Variants in TEX13B observed in about 807,000 individuals in gnomAD.
TEX13B encodes the protein testis-expressed protein 13B.
Under a neutral mutation model 11.2 loss-of-function variants are expected in TEX13B, and 5 were observed. That is an observed-to-expected ratio of 0.44 (90% CI 0.23 to 0.93). TEX13B has a LOEUF of 0.93. Ranked by LOEUF, TEX13B falls within the 40% of genes least tolerant of loss-of-function variation. TEX13B has a pLI of 0.23. For missense variants in TEX13B, 213 were observed against 244.2 expected, an observed-to-expected ratio of 0.87 and a Z score of 0.85; for synonymous variants, 115 against 100.9, an observed-to-expected ratio of 1.14 and a Z score of -0.84.
In TEX13B at chrX:107,981,722, GGCTGGTCTCGGTTA is replaced by G. The variant is rs1933766727; in HGVS notation, c.392_405del (p.Leu131ProfsTer48). 1.7e-6 allele frequency: 2 copies of G among 1,208,399 alleles called. No individual in the cohort carries two copies. The highest frequency in any genetic ancestry group is 3.5e-5 in the African/African-American group (2 of 57,172). On this transcript the variant is annotated frameshift_variant, in exon 2 of 3. Coordinates refer to ENST00000302917, the MANE Select transcript of TEX13B (RefSeq NM_031273.2). LOFTEE classifies it high-confidence loss of function. ...TCCCGCTCTCTCTGCACCTCCGCAA[GGCTGGTCTCGGTTA>G]GCTGCAACTGGAAGGTCGCCTCATT...
chrX:107,981,682 T>C lies in TEX13B; in HGVS notation c.446A>G (p.Lys149Arg). Residue 149 changes from lysine to arginine, a missense_variant, in exon 2 of 3, where the codon AAG (lysine) becomes AGG (arginine). Coordinates refer to ENST00000302917, the MANE Select transcript of TEX13B (RefSeq NM_031273.2). ...VQRERDMLRW[K>R]LFHAELAPPQ... The stretch of plus-strand genomic sequence containing the variant: ...GGGGGATCTTACGGCATGGAAGAGC[T>C]TCCATCTCAGCATGTCCCGCTCTCT... 1 of 1,197,946 alleles carries C rather than the reference T, an allele frequency of 8.3e-7. No individual in the cohort carries two copies. The highest frequency in any genetic ancestry group is 1.1e-6 in the Non-Finnish European group (1 of 887,053).
rs1462038188 is a variant in TEX13B at position 107,982,147 on chromosome X, G to C, written c.-20C>G. 8.6e-7 allele frequency: 1 copy of C among 1,168,442 alleles called. No individual in the cohort carries two copies. Among genetic ancestry groups the C allele is most frequent in the Non-Finnish European group, 1.1e-6 (1 of 870,550 alleles). ...GGCCATGATCGCCTAGGGGCTTAAC[G>C]GTTTCACTAGCCCTGTGTGGATGGA... On this transcript the variant is annotated 5_prime_UTR_variant, in exon 2 of 3. Coordinates refer to ENST00000302917, the MANE Select transcript of TEX13B (RefSeq NM_031273.2).
chrX:107,981,594 G>T, intron 2 of TEX13B, 35 bp from the exon 3 acceptor site: 1 of 1,203,051 alleles, frequency 8.3e-7, no homozygotes, highest in Non-Finnish European at 1.1e-6. Context: ...AACACATTCT[G>T]GGGACAGGGC....
At position 107,981,289 on chromosome X, in the gene TEX13B, G is replaced by C. The variant is rs773337131; in HGVS notation, c.730C>G (p.Gln244Glu). 9.9e-6 allele frequency: 12 copies of C among 1,211,718 alleles called. No individual in the cohort carries two copies. The East Asian group carries it at 3.5e-4, about 36-fold the overall frequency. The change falls in exon 3 of 3, where the codon CAG (glutamine) becomes GAG (glutamate). Residue 244 changes from glutamine to glutamate, a missense_variant. Transcript: ENST00000302917. ...CAGACATGGCTGTTTGTACTGACCT[G>C]AGATCTTTCTCCCTCTGCCCCGCAA... Reference protein sequence around the residue: ...HLCGAEGERSQVSTNSHVCLL... With the variant: ...HLCGAEGERSEVSTNSHVCLL...
At chrX:107,982,226 C>T in intron 1 of TEX13B, 67 bp from the exon 2 acceptor site, 1 of 855,568 alleles carries the variant, frequency 1.2e-6, no homozygotes, top group Non-Finnish European at 1.6e-6. Context: ...TCTGTCTTCT[C>T]CGCCCTCCCA....
rs2147892964 is a variant in TEX13B at position 107,981,819 on chromosome X, A to T, written c.309T>A (p.Ala103=). 8.3e-7 allele frequency: 1 copy of T among 1,211,196 alleles called. No homozygotes were observed. The highest frequency in any genetic ancestry group is 3.0e-5 in the East Asian group (1 of 33,816). Residue 103 remains alanine (A), a synonymous_variant, in exon 2 of 3, where the codon GCT becomes GCA. Transcript: ENST00000302917. The stretch of plus-strand genomic sequence containing the variant: ...TCAGGTTTGAGGCCAAGACCAGCGC[A>T]GCTGATCTGTGCAGTTTGGCAAAGC... The part of the protein sequence containing the change: ...LQGFAKLHRS[A]ALVLASNLTE...
rs767644472 is a variant in TEX13B, at chrX:107,981,761, T to G, written c.367A>C (p.Asn123His). The change falls in exon 2 of 3, where the codon AAT becomes CAT. Residue 123 changes from asparagine to histidine, a missense_variant. Asn to His is a moderately conservative substitution (Grantham distance 68). Coordinates refer to ENST00000302917, the MANE Select transcript of TEX13B (RefSeq NM_031273.2). Reference sequence around the variant, plus strand: ...AGCTGCAACTGGAAGGTCGCCTCATTGCATTCCATCTCCTGCTGTTCCTTG... The same window carrying G: ...AGCTGCAACTGGAAGGTCGCCTCATGGCATTCCATCTCCTGCTGTTCCTTG... The part of the protein sequence containing the change: ...ELKEQQEMEC[N>H]EATFQLQLTE... The G allele has an allele frequency of 9.1e-6, 11 of 1,211,777 alleles. No individual in the cohort carries two copies. In the South Asian group the frequency reaches 1.9e-4, roughly 21 times the overall value.
chrX:107,981,793 G>C lies in TEX13B; in HGVS notation c.335C>G (p.Thr112Arg). ...CATCTCCTGCTGTTCCTTGAGTTCC[G>C]TCAGGTTTGAGGCCAAGACCAGCGC... ...SAALVLASNL[T>R]ELKEQQEMEC... Residue 112 changes from threonine (T) to arginine (R), a missense_variant, in exon 2 of 3, where the codon ACG becomes AGG. Coordinates refer to ENST00000302917, the MANE Select transcript of TEX13B (RefSeq NM_031273.2). The C allele has an allele frequency of 8.3e-7, 1 of 1,211,706 alleles. No homozygotes were observed. The highest frequency in any genetic ancestry group is 3.0e-5 in the East Asian group (1 of 33,834).
In TEX13B at chrX:107,982,317, G is replaced by A; in HGVS notation, c.-40C>T. On this transcript the variant is annotated 5_prime_UTR_variant, in exon 1 of 3. Coordinates refer to ENST00000302917, the MANE Select transcript of TEX13B (RefSeq NM_031273.2). Reference sequence around the variant, plus strand: ...TCTCCCACCAGGCCTCACCTCTTCAGCCAGGGCCAGAGGAAGTACAGGCCA... The same window carrying A: ...TCTCCCACCAGGCCTCACCTCTTCAACCAGGGCCAGAGGAAGTACAGGCCA... The A allele has an allele frequency of 2.4e-6, 1 of 418,990 alleles. No homozygotes were observed. Among genetic ancestry groups the A allele is most frequent in the East Asian group, 3.7e-5 (1 of 26,732 alleles). 34.5% of individuals were successfully genotyped at this position (418,990 alleles called of 1,213,427 possible). A position where few individuals can be genotyped will look rare whatever the true frequency, so the allele number is the denominator to read the frequency against.
At position 107,980,869 on chromosome X, in the gene TEX13B, C is replaced by A; in HGVS notation, c.*211G>T. 4.5e-6 allele frequency: 2 copies of A among 442,254 alleles called. No homozygotes were observed. The highest frequency in any genetic ancestry group is 8.1e-6 in the Non-Finnish European group (2 of 246,235). The allele number at this position is 442,254 out of a possible 1,213,427, so 36.4% of individuals were successfully genotyped here. ...GTTCTATTTTACATTTCTGAATTTA[C>A]TGAGGCTTTTGCAGCCAGATTCGCC... On this transcript the variant is annotated 3_prime_UTR_variant, in exon 3 of 3. Coordinates refer to ENST00000302917, the MANE Select transcript of TEX13B (RefSeq NM_031273.2).
chrX:107,981,567 G>T lies in TEX13B; in HGVS notation c.460-8C>A. 1 of 1,208,985 alleles carries T rather than the reference G, an allele frequency of 8.3e-7. No individual in the cohort carries two copies. Among genetic ancestry groups the T allele is most frequent in the Non-Finnish European group, 1.1e-6 (1 of 893,943 alleles). ...CTGGGGAGGTGCCAGCTCCTGGAGA[G>T]AAGTAGGCAGAGCTGAAACACATTC... On this transcript the variant is annotated splice_region_variant and splice_polypyrimidine_tract_variant and intron_variant, in intron 2 of 2. Coordinates refer to ENST00000302917, the MANE Select transcript of TEX13B (RefSeq NM_031273.2).
chrX:107,981,359 G>A lies in TEX13B; in HGVS notation c.660C>T (p.Gly220=). The part of the protein sequence containing the change: ...PAEVLQGLGG[G]FRQPLGAIVA... ...CAATAGCTCCGAGGGGCTGCCTGAA[G>A]CCTCCTCCCAGCCCCTGCAAGACCT... The change falls in exon 3 of 3, where the codon GGC becomes GGT. Residue 220 remains glycine (G), a synonymous_variant. Coordinates refer to ENST00000302917, the MANE Select transcript of TEX13B (RefSeq NM_031273.2). The A allele has an allele frequency of 8.3e-7, 1 of 1,211,863 alleles. No individual in the cohort carries two copies. Among genetic ancestry groups the A allele is most frequent in the Non-Finnish European group, 1.1e-6 (1 of 895,509 alleles).
Position 107,980,905 on chromosome X carries a change from G to A in TEX13B, c.*175C>T, listed in dbSNP as rs1313925210. On this transcript the variant is annotated 3_prime_UTR_variant, in exon 3 of 3. Coordinates refer to ENST00000302917, the MANE Select transcript of TEX13B (RefSeq NM_031273.2). Reference sequence around the variant, plus strand: ...GCAGCCAGATTCGCCTCCCACAGAGGAAGCAATTTTCCCTCCATGAAAAAT... The same window carrying A: ...GCAGCCAGATTCGCCTCCCACAGAGAAAGCAATTTTCCCTCCATGAAAAAT... The A allele has an allele frequency of 3.0e-6, 2 of 658,593 alleles. No individual in the cohort carries two copies. Among genetic ancestry groups the A allele is most frequent in the East Asian group, 6.4e-5 (2 of 31,209 alleles). 54.3% of individuals were successfully genotyped at this position (658,593 alleles called of 1,213,427 possible). A position where few individuals can be genotyped will look rare whatever the true frequency, so the allele number is the denominator to read the frequency against.
chrX:107,981,621 T>TTGGGGCAGGGCAGAGGCA, intron 2 of TEX13B, 48 bp downstream of exon 2: 1 of 1,193,295 alleles, frequency 8.4e-7, no homozygotes, highest in Non-Finnish European at 1.1e-6. Flanking sequence ...TCCGGACAGG[T>TTGGGGCAGGGCAGAGGCA]TGGGGCAGGG....
intron 2 of TEX13B, 37 bp downstream of exon 2, chrX:107,981,632 C>A: frequency 8.4e-7 from 1 of 1,191,391 alleles, no homozygotes; most frequent in Non-Finnish European, 1.1e-6. Context: ...TGGGGCAGGG[C>A]AGAGGCATTG....
At position 107,981,397 on chromosome X, in the gene TEX13B, G is replaced by A. The variant is rs1602532898; in HGVS notation, c.622C>T (p.Pro208Ser). The change falls in exon 3 of 3, where the codon CCT becomes TCT. Residue 208 changes from proline (P) to serine (S), a missense_variant. Coordinates refer to ENST00000302917, the MANE Select transcript of TEX13B (RefSeq NM_031273.2). ...KGEERYAEAG[P>S]APAEVLQGLG... ...CCCTGCAAGACCTCTGCGGGGGCAG[G>A]CCCTGCCTCTGCATACCTCTCCTCT... 2 of 1,211,714 alleles carry A rather than the reference G, an allele frequency of 1.7e-6. No individual in the cohort carries two copies. The highest frequency in any genetic ancestry group is 5.9e-5 in the East Asian group (2 of 33,813).
chrX:107,981,703 T>C lies in TEX13B; in HGVS notation c.425A>G (p.Glu142Gly), dbSNP rs748068141. 1 of 1,204,483 alleles carries C rather than the reference T, an allele frequency of 8.3e-7. No individual in the cohort carries two copies. Among genetic ancestry groups the C allele is most frequent in the South Asian group, 1.8e-5 (1 of 55,969 alleles). ...GAGCTTCCATCTCAGCATGTCCCGCTCTCTCTGCACCTCCGCAAGGCTGGT... is the reference window on the plus strand; with the variant it reads ...GAGCTTCCATCTCAGCATGTCCCGCCCTCTCTGCACCTCCGCAAGGCTGGT... ...TETSLAEVQRERDMLRWKLFH... is the reference protein window; with the variant it reads ...TETSLAEVQRGRDMLRWKLFH... The change falls in exon 2 of 3, where the codon GAG (glutamate) becomes GGG (glycine). Residue 142 changes from glutamate (E) to glycine (G), a missense_variant. Physicochemically the swap from Glu to Gly is moderately conservative, Grantham distance 98. Coordinates refer to ENST00000302917, the MANE Select transcript of TEX13B (RefSeq NM_031273.2).
chrX:107,981,096 T>G lies in TEX13B; in HGVS notation c.923A>C (p.Gln308Pro), dbSNP rs1362521759. 1 of 1,210,970 alleles carries G rather than the reference T, an allele frequency of 8.3e-7. No individual in the cohort carries two copies. Among genetic ancestry groups the G allele is most frequent in the Non-Finnish European group, 1.1e-6 (1 of 895,328 alleles). Reference protein sequence around the residue: ...HRTGSNSDAFQLGGL With the variant: ...HRTGSNSDAFPLGGL The stretch of plus-strand genomic sequence containing the variant: ...AGGCTAGCATCAGAGGCCCCCCAGT[T>G]GAAAGGCATCTGAGTTGGAACCCGT... The change falls in exon 3 of 3, where the codon CAA (glutamine) becomes CCA (proline). Residue 308 changes from glutamine (Q) to proline (P), a missense_variant. Transcript: ENST00000302917.
In TEX13B at chrX:107,981,909, G is replaced by A. The variant is rs775213600; in HGVS notation, c.219C>T (p.Ala73=). The change falls in exon 2 of 3, where the codon GCC becomes GCT. Residue 73 remains alanine, a synonymous_variant. Transcript: ENST00000302917. ...VKEACTWGSL[A]LGVRFAHRQG... is the part of the protein sequence containing the mutation. ...GCCTGTGGGCAAAGCGCACACCCAA[G>A]GCCAGGCTGCCCCAGGTGCAGGCCT... 10 of 1,208,240 alleles carry A rather than the reference G, an allele frequency of 8.3e-6. No homozygotes were observed. In the Admixed American group the frequency reaches 1.7e-4, roughly 21 times the overall value.
Sources: allele counts gnomAD v4.1 joint callset, GRCh38; gene constraint gnomAD v4.1.1; transcripts MANE v1.5; gene names NCBI Gene and HGNC (gene_info 2026-07-23, HGNC 2026-07-21).